Variants in DNAJC10 observed in about 807,000 individuals in gnomAD.
DNAJC10 encodes endoplasmic reticulum disulfide reductase DNAJC10.
In DNAJC10, 101 loss-of-function variants were observed where a neutral mutation model predicts 115.0. The observed-to-expected ratio is 0.88, with a 90% CI of 0.75 to 1.04. The LOEUF is 1.04. Among genes scored for constraint, DNAJC10 ranks in the 50% least tolerant of loss-of-function variants. The probability of loss-of-function intolerance (pLI) is 0.00; values close to 1 mark genes in which losing one functional copy is unlikely to be tolerated. For synonymous variants in DNAJC10, 307 were observed against 301.5 expected, an observed-to-expected ratio of 1.02 and a Z score of -0.19; for missense variants, 981 against 928.8, an observed-to-expected ratio of 1.06 and a Z score of -0.73.
intron 23 of DNAJC10, 153 bp downstream of exon 23, chr2:182,775,573 T>C: frequency 1.8e-6 from 1 of 559,518 alleles, no homozygotes; most frequent in South Asian, 2.9e-5. Flanking sequence ...AATAGGACAA[T>C]CAAAATGTAG....
At chr2:182,739,520 A>G in intron 11 of DNAJC10, 1 of 1,201,184 alleles carries the variant, frequency 8.3e-7, no homozygotes, top group Non-Finnish European at 1.1e-6. Flanking sequence ...TGATGTAACC[A>G]TTGCTGCATT....
intron 16 of DNAJC10, among the ~76,000 whole-genome samples, chr2:182,754,075 A>C (rs529160442): frequency 6.6e-6 from 1 of 152,294 alleles, no homozygotes; most frequent in African/African-American, 2.4e-5. Context: ...TTCCTAATTT[A>C]TACAGTGGGT....
In DNAJC10 at chr2:182,788,907, T is replaced by A. The variant is rs1480579013; in HGVS notation, c.*11775T>A. On this transcript the variant is annotated 3_prime_UTR_variant, in exon 24 of 24. Transcript: ENST00000264065. ...ACTCTTGATTCCTTTTAGAGTTTTT[T>A]AAATTGTGATAAAGTACATGTAACA... 5 of 431,488 alleles carry A rather than the reference T, an allele frequency of 1.2e-5. No homozygotes were observed. Among genetic ancestry groups the A allele is most frequent in the African/African-American group, 2.1e-5 (1 of 48,308 alleles). 26.7% of individuals were successfully genotyped at this position (431,488 alleles called of 1,614,324 possible). A position where few individuals can be genotyped will look rare whatever the true frequency, so the allele number is the denominator to read the frequency against.
chr2:182,747,212 G>A (rs1318790086), intron 14 of DNAJC10, among the ~76,000 whole-genome samples: 36 of 150,288 alleles, frequency 2.4e-4, no homozygotes, highest in African/African-American at 7.6e-4. Flanking sequence ...TTGGCAATGC[G>A]GGCTCTTTTT....
chr2:182,752,289 C>T (rs1259925386), intron 16 of DNAJC10, 101 bp downstream of exon 16: 4 of 543,540 alleles, frequency 7.4e-6, no homozygotes, highest in Non-Finnish European at 1.2e-5. Context: ...AATAATACAT[C>T]TTCTATTTAG....
chr2:182,786,335 C>T lies in DNAJC10; in HGVS notation c.*9203C>T, dbSNP rs1694945066. 1 of 152,144 alleles carries T rather than the reference C, an allele frequency of 6.6e-6. No individual in the cohort carries two copies. The highest frequency in any genetic ancestry group is 1.9e-4 in the East Asian group (1 of 5,194). The allele number at this position is 152,144 out of a possible 1,614,324, so 9.4% of individuals were successfully genotyped here. A position where few individuals can be genotyped will look rare whatever the true frequency, so the allele number is the denominator to read the frequency against. ...AGAATTCATTTTCTTTTCATTACTT[C>T]CTTTCAGCGTGGAGCCTGAGCATCA... On this transcript the variant is annotated 3_prime_UTR_variant, in exon 24 of 24. Transcript: ENST00000264065.
At chr2:182,730,985 G>A (rs982262201) in intron 8 of DNAJC10, 45 bp from the exon 9 acceptor site, 5 of 1,298,346 alleles carry the variant, frequency 3.9e-6, no homozygotes, top group Admixed American at 3.7e-5. Context: ...ATTAGTAAAG[G>A]AGTAATAGGT....
chr2:182,736,646 A>G (rs1283535128), intron 11 of DNAJC10, among the ~76,000 whole-genome samples: 1 of 152,254 alleles, frequency 6.6e-6, no homozygotes, highest in East Asian at 1.9e-4. Context: ...ATTACCTTAC[A>G]TTTAAAACCA....
intron 8 of DNAJC10, among the ~76,000 whole-genome samples, chr2:182,730,750 G>C (rs1031931595): frequency 6.6e-6 from 1 of 152,018 alleles, no homozygotes; most frequent in East Asian, 1.9e-4. Context: ...AATATAGCTG[G>C]CTAAATAGGT....
rs1343778443 is a variant in DNAJC10 at position 182,781,566 on chromosome 2, T to G, written c.*4434T>G. 2.0e-5 allele frequency: 3 copies of G among 152,168 alleles called. No individual in the cohort carries two copies. The highest frequency in any genetic ancestry group is 2.9e-5 in the Non-Finnish European group (2 of 68,032). The allele number at this position is 152,168 out of a possible 1,614,324, so 9.4% of individuals were successfully genotyped here. A position where few individuals can be genotyped will look rare whatever the true frequency, so the allele number is the denominator to read the frequency against. On this transcript the variant is annotated 3_prime_UTR_variant, in exon 24 of 24. Coordinates refer to ENST00000264065, the MANE Select transcript of DNAJC10 (RefSeq NM_018981.4). ...TGTCTTCCACAATGGTTGAACAAAT[T>G]TACACTCCCACTAACAGTGTAAAAG...
chr2:182,729,909 A>G lies in DNAJC10; in HGVS notation c.695A>G (p.His232Arg), dbSNP rs372625469. ...AGTTTAGTGAGTTTTGCAATGCAGC[A>G]TGTTAGAAGTACAGTGACAGAACTT... The part of the protein sequence containing the change: ...KESLVSFAMQ[H>R]VRSTVTELWT... The change falls in exon 8 of 24, where the codon CAT (histidine) becomes CGT (arginine). Residue 232 changes from histidine to arginine, a missense_variant. Coordinates refer to ENST00000264065, the MANE Select transcript of DNAJC10 (RefSeq NM_018981.4). 5.6e-6 allele frequency: 9 copies of G among 1,609,732 alleles called. No homozygotes were observed. Among genetic ancestry groups the G allele is most frequent in the Middle Eastern group, 3.3e-4 (2 of 6,074 alleles).
intron 14 of DNAJC10, among the ~76,000 whole-genome samples, chr2:182,743,982 TG>T (rs1391835936): frequency 6.6e-6 from 1 of 152,226 alleles, no homozygotes; most frequent in Non-Finnish European, 1.5e-5. Flanking sequence ...CCTGCTTGTT[TG>T]CAAAAGTAAG....
At chr2:182,718,436 C>A in intron 3 of DNAJC10, 146 bp downstream of exon 3, 2 of 724,864 alleles carry the variant, frequency 2.8e-6, no homozygotes, top group Non-Finnish European at 4.2e-6. Flanking sequence ...ACAAAAGCAC[C>A]AAAATGTTCT....
chr2:182,726,243 T>A (rs1024835735), intron 5 of DNAJC10, among the ~76,000 whole-genome samples: 1 of 152,080 alleles, frequency 6.6e-6, no homozygotes, highest in Non-Finnish European at 1.5e-5. Flanking sequence ...GGAGCCTGAT[T>A]ATGTGACTGA....
In DNAJC10 at chr2:182,752,080, A is replaced by G. The variant is rs142988259; in HGVS notation, c.1443A>G (p.Pro481=). Residue 481 remains proline, a synonymous_variant, in exon 16 of 24, where the codon CCA becomes CCG. Transcript: ENST00000264065. ...WLVDFFAPWC[P]PCRALLPELR... Reference sequence around the variant, plus strand: ...TATTTTTTCTTTCCTAGTGGTGTCCACCATGTCGAGCTTTACTACCAGAGT... The same window carrying G: ...TATTTTTTCTTTCCTAGTGGTGTCCGCCATGTCGAGCTTTACTACCAGAGT... The G allele has an allele frequency of 4.3e-6, 7 of 1,612,224 alleles. No individual in the cohort carries two copies. Among genetic ancestry groups the G allele is most frequent in the Non-Finnish European group, 5.9e-6 (7 of 1,179,078 alleles).
rs2105727953 is a variant in DNAJC10, at chr2:182,787,771, A to G, written c.*10639A>G. On this transcript the variant is annotated 3_prime_UTR_variant, in exon 24 of 24. Coordinates refer to ENST00000264065, the MANE Select transcript of DNAJC10 (RefSeq NM_018981.4). The stretch of plus-strand genomic sequence containing the variant: ...CTCCTCTCTACAAGAAAATTCAAAA[A>G]TTAGCCAGGCGTGGTAGGGTATGCC... 1 of 152,198 alleles carries G rather than the reference A, an allele frequency of 6.6e-6. No homozygotes were observed. Among genetic ancestry groups the G allele is most frequent in the East Asian group, 1.9e-4 (1 of 5,164 alleles). The allele number at this position is 152,198 out of a possible 1,614,324, so 9.4% of individuals were successfully genotyped here. A position where few individuals can be genotyped will look rare whatever the true frequency, so the allele number is the denominator to read the frequency against.
chr2:182,768,588 A>G (rs1326732986), intron 22 of DNAJC10, among the ~76,000 whole-genome samples: 2 of 152,190 alleles, frequency 1.3e-5, no homozygotes, highest in Non-Finnish European at 2.9e-5. Context: ...ATTCTAGCAC[A>G]TAGTTGGGGA....
At chr2:182,767,712 T>C (rs1441904935) in intron 22 of DNAJC10, among the ~76,000 whole-genome samples, 1 of 152,128 alleles carries the variant, frequency 6.6e-6, no homozygotes, top group African/African-American at 2.4e-5. Flanking sequence ...CACCCCAGCA[T>C]CATCCGTCCA....
intron 10 of DNAJC10, among the ~76,000 whole-genome samples, chr2:182,735,045 G>A (rs1693550564): frequency 6.6e-6 from 1 of 150,720 alleles, no homozygotes; most frequent in Admixed American, 6.6e-5. Flanking sequence ...GATATATTTG[G>A]CCCTATGCTT....
Sources: gnomAD v4.1 joint callset for allele counts (sites outside exome capture counted in the v4.1 genomes callset) on GRCh38, gnomAD v4.1.1 for gene constraint, MANE v1.5 for transcripts, NCBI Gene and HGNC (gene_info 2026-07-23, HGNC 2026-07-21) for gene names.